LRRC9: variants seen among roughly 807,000 people sequenced by gnomAD.
The protein encoded by LRRC9 is leucine-rich repeat-containing protein 9.
Under a neutral mutation model 63.2 loss-of-function variants are expected in LRRC9, and 122 were observed. The observed-to-expected ratio is 1.93, with a 90% CI of 1.67 to 2.24. The LOEUF is 2.24. Among genes scored for constraint, LRRC9 ranks in the 30% most tolerant of loss-of-function variants. The probability of loss-of-function intolerance (pLI) is 0.00; values close to 1 mark genes in which losing one functional copy is unlikely to be tolerated. For synonymous variants in LRRC9, 366 were observed against 213.1 expected (o/e 1.72, Z -6.25); for missense variants, 1,071 against 627.7 (o/e 1.71, Z -7.55).
intron 29 of LRRC9, among the ~76,000 whole-genome samples, chr14:60,050,536 G>A (rs1212798787): frequency 6.6e-6 from 1 of 152,046 alleles, no homozygotes; most frequent in African/African-American, 2.4e-5. Context: ...AGCGAAGTTC[G>A]TTATTACCCA....
intron 6 of LRRC9, among the ~76,000 whole-genome samples, chr14:59,933,180 C>T (rs1889850210): frequency 6.6e-6 from 1 of 152,112 alleles, no homozygotes; most frequent in Non-Finnish European, 1.5e-5. Flanking sequence ...CTTTCCCTCC[C>T]AATTTAGGTG....
rs1425550519 is a variant in LRRC9 at position 59,942,849 on chromosome 14, T to C, written c.727-1740T>C. On this transcript the variant is annotated intron_variant, in intron 7 of 31. Transcript: ENST00000445360. This position sits in a 1 kb window ranked among gnomAD's most constrained non-coding sequence, Gnocchi z 5.3. Reference sequence around the variant, plus strand: ...GATTATATTGTGATTTTTATTTGCATTTCCATGATGGTTAGTTAGTGATGT... The same window carrying C: ...GATTATATTGTGATTTTTATTTGCACTTCCATGATGGTTAGTTAGTGATGT... Among the ~76,000 whole-genome samples, 9 of 152,192 alleles carry C rather than the reference T, an allele frequency of 5.9e-5. No homozygotes were observed. The highest frequency in any genetic ancestry group is 2.2e-4 in the African/African-American group (9 of 41,444).
At chr14:59,959,696 C>G in intron 8 of LRRC9, 122 bp from the exon 9 acceptor site, 2 of 489,974 alleles carry the variant, frequency 4.1e-6, no homozygotes, top group Admixed American at 7.6e-5. Flanking sequence ...TAGATTTCCA[C>G]TTTGTTCATT....
rs1894444115 is a variant in LRRC9 at position 60,058,584 on chromosome 14, T to C, written c.4276+562T>C. 6.6e-6 allele frequency among the ~76,000 whole-genome samples: 1 copy of C among 152,174 alleles called. No individual in the cohort carries two copies. The highest frequency in any genetic ancestry group is 6.5e-5 in the Admixed American group (1 of 15,276). On this transcript the variant is annotated intron_variant, in intron 31 of 31. Coordinates refer to ENST00000445360, the Ensembl canonical transcript of LRRC9. The surrounding 1 kb of genome is among the most constrained non-coding windows in gnomAD (Gnocchi z 4.4). Reference sequence around the variant, plus strand: ...AGCATGGAAGTGGTTTATTCTGCTATATAAATTTTAGTTCAAGTTTAGAAT... The same window carrying C: ...AGCATGGAAGTGGTTTATTCTGCTACATAAATTTTAGTTCAAGTTTAGAAT...
intron 16 of LRRC9, among the ~76,000 whole-genome samples, chr14:59,984,350 T>C (rs1887237184): frequency 6.6e-6 from 1 of 152,214 alleles, no homozygotes; most frequent in African/African-American, 2.4e-5. Flanking sequence ...TGAATGAAGA[T>C]AGCTGGGAGA....
At position 60,027,601 on chromosome 14, in the gene LRRC9, T is replaced by A. The variant is rs1461505576; in HGVS notation, c.3704-283T>A. 6.6e-6 allele frequency among the ~76,000 whole-genome samples: 1 copy of A among 152,112 alleles called. No homozygotes were observed. Among genetic ancestry groups the A allele is most frequent in the Non-Finnish European group, 1.5e-5 (1 of 67,978 alleles). On this transcript the variant is annotated intron_variant, in intron 27 of 31. Coordinates refer to ENST00000445360, the Ensembl canonical transcript of LRRC9. The surrounding 1 kb of genome is among the most constrained non-coding windows in gnomAD (Gnocchi z 4.0). ...CTACTTTTGTCAATACCGACTATTT[T>A]AACACTTAATTACCAAACAGACATA...
intron 1 of LRRC9, among the ~76,000 whole-genome samples, chr14:59,926,557 C>T (rs1385318711): frequency 1.3e-5 from 2 of 152,104 alleles, no homozygotes; most frequent in African/African-American, 2.4e-5. Flanking sequence ...TAACCAGCAC[C>T]TAGATCAAAT....
At chr14:60,052,919 G>A (rs1413760009) in intron 29 of LRRC9, 146 bp from the exon 30 acceptor site, 8 of 493,800 alleles carry the variant, frequency 1.6e-5, no homozygotes, top group Non-Finnish European at 2.5e-5. Flanking sequence ...TTTCAAAAAG[G>A]TAGCTCATTA....
chr14:59,938,556 T>C lies in LRRC9; in HGVS notation c.710T>C (p.Ile237Thr). The C allele has an allele frequency of 1.4e-6, 1 of 692,384 alleles. No homozygotes were observed. Among genetic ancestry groups the C allele is most frequent in the Non-Finnish European group, 2.6e-6 (1 of 380,634 alleles). The allele number at this position is 692,384 out of a possible 1,614,324, so 42.9% of individuals were successfully genotyped here. Residue 237 changes from isoleucine (I) to threonine (T), a missense_variant, in exon 7 of 32, where the codon ATC becomes ACC. By Grantham distance (89) the Ile-to-Thr change is moderately conservative. Transcript: ENST00000445360. The surrounding 1 kb of genome is among the most constrained non-coding windows in gnomAD (Gnocchi z 4.2). The stretch of plus-strand genomic sequence containing the variant: ...ACATTGGATGTGTCAGCAAAGCAAA[T>C]CAAGGAACTGGCAGATGTAAGTACA...
At chr14:59,920,614 A>G (rs1888689226) in intron 1 of LRRC9, among the ~76,000 whole-genome samples, 1 of 152,092 alleles carries the variant, frequency 6.6e-6, no homozygotes, top group Non-Finnish European at 1.5e-5. Flanking sequence ...TAGGGGGTTT[A>G]TTTGGACCAT....
chr14:60,002,046 G>T (rs1172965752), exon 20 of LRRC9: 3 of 702,194 alleles, frequency 4.3e-6, no homozygotes, highest in Non-Finnish European at 7.8e-6. Context: ...AAATTCTGAC[G>T]CAGGTTTCAA....
chr14:59,995,004 A>G (rs1007735339), intron 17 of LRRC9, among the ~76,000 whole-genome samples: 7 of 62,442 alleles, frequency 1.1e-4, no homozygotes, highest in African/African-American at 2.3e-4. Flanking sequence ...AACTGAAAGT[A>G]TAATAAAAAA....
chr14:59,928,588 CAG>C, intron 3 of LRRC9, 102 bp downstream of exon 3: 1 of 433,656 alleles, frequency 2.3e-6, no homozygotes, highest in Non-Finnish European at 4.0e-6. Context: ...TGGGTTAAGA[CAG>C]ATAAATGAAC....
At chr14:60,014,912 T>C (rs773752693) in intron 23 of LRRC9, among the ~76,000 whole-genome samples, 11 of 151,956 alleles carry the variant, frequency 7.2e-5, no homozygotes, top group Non-Finnish European at 1.2e-4. Flanking sequence ...TTAAATCTTT[T>C]TTATGGTTCC....
rs549942944 is a variant in LRRC9, at chr14:59,960,005, A to C, written c.1070A>C (p.Lys357Thr). The change falls in exon 9 of 32, where the codon AAA becomes ACA. Residue 357 changes from lysine to threonine, a missense_variant. Physicochemically the swap from Lys to Thr is moderately conservative, Grantham distance 78. Coordinates refer to ENST00000445360, the Ensembl canonical transcript of LRRC9. ...GAAAGGGTAACATTCTGGAACAAAA[A>C]ACTAGATGAGTATGTTTAATTAATT... 16 of 663,266 alleles carry C rather than the reference A, an allele frequency of 2.4e-5. No homozygotes were observed. In the Admixed American group the frequency reaches 3.9e-4, roughly 16 times the overall value. 41.1% of individuals were successfully genotyped at this position (663,266 alleles called of 1,614,324 possible). A position where few individuals can be genotyped will look rare whatever the true frequency, so the allele number is the denominator to read the frequency against.
chr14:59,999,927 C>A (rs903516326), intron 19 of LRRC9, among the ~76,000 whole-genome samples: 4 of 152,102 alleles, frequency 2.6e-5, no homozygotes, highest in African/African-American at 4.8e-5. Flanking sequence ...TTCCACTCAG[C>A]AATCCCATTT....
intron 8 of LRRC9, among the ~76,000 whole-genome samples, chr14:59,959,087 T>G (rs1280341458): frequency 6.6e-6 from 1 of 152,224 alleles, no homozygotes; most frequent in Non-Finnish European, 1.5e-5. Flanking sequence ...ACAATTTATC[T>G]TTAAATTACA....
chr14:59,953,376 T>C (rs1182413882), intron 8 of LRRC9, among the ~76,000 whole-genome samples: 1 of 152,218 alleles, frequency 6.6e-6, no homozygotes, highest in African/African-American at 2.4e-5. Context: ...TGGTATCTCA[T>C]TGTGGTTTTG....
At chr14:60,045,016 T>G (rs1288110509) in intron 29 of LRRC9, among the ~76,000 whole-genome samples, 1 of 151,730 alleles carries the variant, frequency 6.6e-6, no homozygotes, top group Admixed American at 6.6e-5. Context: ...CTTGCTGAAT[T>G]GAAACCTTTG....
Sources: allele counts gnomAD v4.1 joint callset (sites outside exome capture counted in the v4.1 genomes callset), GRCh38; gene constraint gnomAD v4.1.1; non-coding constraint Gnocchi (gnomAD v3.1); transcripts MANE v1.5; gene names NCBI Gene and HGNC (gene_info 2026-07-23, HGNC 2026-07-21).